The following TAMM41 variants were observed in gnomAD, a reference collection of about 807,000 sequenced individuals.
TAMM41 encodes phosphatidate cytidylyltransferase, mitochondrial.
TAMM41 carries 36 observed loss-of-function variants against 44.1 expected under a neutral mutation model. The observed-to-expected ratio is 0.82, with a 90% CI of 0.63 to 1.08. The LOEUF (loss-of-function observed/expected upper bound fraction) is 1.08, where lower values mean the gene tolerates loss of function less well. Ranked by LOEUF, TAMM41 falls within the 50% of genes least tolerant of loss-of-function variation. TAMM41 has a pLI of 0.00. For synonymous variants in TAMM41, 164 were observed against 153.1 expected, an observed-to-expected ratio of 1.07 and a Z score of -0.53; for missense variants, 417 against 404.3, an observed-to-expected ratio of 1.03 and a Z score of -0.27.
chr3:11,751,089 C>CCTT, the TAMM41 span, among the ~76,000 whole-genome samples: 3 of 130,278 alleles, frequency 2.3e-5, no homozygotes, highest in Non-Finnish European at 4.8e-5. Context: ...ACAGATGATA[C>CCTT]TTTTTTTTTT....
intron 7 of TAMM41, among the ~76,000 whole-genome samples, chr3:11,791,097 C>T (rs952402172): frequency 1.3e-5 from 2 of 152,188 alleles, no homozygotes; most frequent in South Asian, 4.1e-4. Context: ...AGGGTGGCCC[C>T]ACAGCATCTG....
At chr3:11,813,858 A>G (rs867171597) in intron 5 of TAMM41, among the ~76,000 whole-genome samples, 2,030 of 100,686 alleles carry the variant, frequency 0.02, 32 homozygotes, top group African/African-American at 0.065. Context: ...GTGTGTGTGT[A>G]TGTATGTATA....
At chr3:11,846,005 T>A (rs1259472603) in intron 1 of TAMM41, among the ~76,000 whole-genome samples, 1 of 152,252 alleles carries the variant, frequency 6.6e-6, no homozygotes, top group Non-Finnish European at 1.5e-5. Context: ...AAGATCATTT[T>A]GCATTTTCTC....
At chr3:11,797,504 ATTAAAGAC>A (rs1195007572) in intron 7 of TAMM41, among the ~76,000 whole-genome samples, 2 of 152,250 alleles carry the variant, frequency 1.3e-5, no homozygotes, top group Non-Finnish European at 2.9e-5. Flanking sequence ...GTCAAGATGG[ATTAAAGAC>A]TTAATTGCAA....
Position 11,792,129 on chromosome 3 carries a change from A to G in TAMM41, c.938-1548T>C, listed in dbSNP as rs532454173. ...AAAAAGCAGTTCCTGGATCTTAAAC[A>G]TTTAAGGTAAATACATAAAGTAGAA... On this transcript the variant is annotated intron_variant, in intron 7 of 7. Coordinates refer to ENST00000455809, the MANE Select transcript of TAMM41 (RefSeq NM_001284401.2). Among the ~76,000 whole-genome samples the G allele has an allele frequency of 1.1e-3, 174 of 152,258 alleles. 2 individuals carry two copies. Among genetic ancestry groups the G allele is most frequent in the Admixed American group, 4.2e-3 (65 of 15,302 alleles).
the TAMM41 span, among the ~76,000 whole-genome samples, chr3:11,759,988 A>AG: frequency 5.3e-5 from 8 of 151,920 alleles, no homozygotes; most frequent in East Asian, 1.5e-3. Context: ...AAAAAAGAAA[A>AG]AAGAAGAAGA....
intron 7 of TAMM41, among the ~76,000 whole-genome samples, chr3:11,791,363 C>T (rs1489205511): frequency 6.6e-6 from 1 of 152,162 alleles, no homozygotes; most frequent in Non-Finnish European, 1.5e-5. Flanking sequence ...GAGAAAGGCT[C>T]TCCGGGGGCT....
intron 7 of TAMM41, among the ~76,000 whole-genome samples, chr3:11,806,769 G>C (rs970705226): frequency 6.6e-6 from 1 of 152,076 alleles, no homozygotes; most frequent in Non-Finnish European, 1.5e-5. Context: ...AGATAAAACA[G>C]ATAAAAACAG....
At chr3:11,756,162 T>C in the TAMM41 span, among the ~76,000 whole-genome samples, 25,201 of 152,212 alleles carry the variant, frequency 0.17, 2,356 homozygotes, top group African/African-American at 0.25. Flanking sequence ...GCTCAATAAA[T>C]GTTAGCGCCC....
intron 4 of TAMM41, among the ~76,000 whole-genome samples, chr3:11,819,662 A>C (rs2078431706): frequency 6.6e-6 from 1 of 152,204 alleles, no homozygotes; most frequent in Admixed American, 6.5e-5. Flanking sequence ...TGTGAGGCCA[A>C]GGCCGGGGGA....
the TAMM41 span, among the ~76,000 whole-genome samples, chr3:11,736,030 G>C: frequency 6.6e-6 from 1 of 152,230 alleles, no homozygotes; most frequent in Non-Finnish European, 1.5e-5. Flanking sequence ...ACACCTTCAT[G>C]TAACTGGAGA....
At chr3:11,798,822 A>G (rs2077674379) in intron 7 of TAMM41, among the ~76,000 whole-genome samples, 1 of 152,186 alleles carries the variant, frequency 6.6e-6, no homozygotes, top group African/African-American at 2.4e-5. Flanking sequence ...ATGACATTGT[A>G]AAGAGGCTTG....
intron 2 of TAMM41, among the ~76,000 whole-genome samples, chr3:11,839,772 A>C (rs1475239850): frequency 6.6e-6 from 1 of 152,230 alleles, no homozygotes; most frequent in African/African-American, 2.4e-5. Flanking sequence ...ATGAAAGTCC[A>C]CAAGATTAGG....
the TAMM41 span, among the ~76,000 whole-genome samples, chr3:11,733,751 T>C: frequency 1.3e-5 from 2 of 151,932 alleles, no homozygotes; most frequent in African/African-American, 4.8e-5. Flanking sequence ...CGCCTCGGCC[T>C]CCTAAAGTGC....
intron 7 of TAMM41, among the ~76,000 whole-genome samples, chr3:11,799,252 C>CA (rs1248334683): frequency 6.7e-6 from 1 of 149,428 alleles, no homozygotes; most frequent in African/African-American, 2.4e-5. Context: ...AACCTGTCTC[C>CA]AAAAAAACAA....
chr3:11,805,010 T>TGC (rs1450053039), intron 7 of TAMM41, among the ~76,000 whole-genome samples: 1 of 138,556 alleles, frequency 7.2e-6, no homozygotes, highest in South Asian at 2.4e-4. Flanking sequence ...TTTTTTTTTT[T>TGC]TTTTTTTTTT....
At position 11,836,620 on chromosome 3, in the gene TAMM41, C is replaced by T. The variant is rs148231272; in HGVS notation, c.411+2602G>A. Among the ~76,000 whole-genome samples the T allele has an allele frequency of 7.4e-4, 112 of 152,178 alleles. 1 individual carries two copies. The East Asian group carries it at 0.019, about 26-fold the overall frequency. On this transcript the variant is annotated intron_variant, in intron 3 of 7. Coordinates refer to ENST00000455809, the MANE Select transcript of TAMM41 (RefSeq NM_001284401.2). The stretch of plus-strand genomic sequence containing the variant: ...CTGGGATTACTGGCGTGTGCCACCA[C>T]GCCTGGCTAATTTTTGTATGTTCAG...
In TAMM41 at chr3:11,840,090, A is replaced by C. The variant is rs182883308; in HGVS notation, c.319-776T>G. ...CCACACCTGTATGATTGCATCCCCA[A>C]CCAATCAGCAGCACCCATTCCCTAG... On this transcript the variant is annotated intron_variant, in intron 2 of 7. Transcript: ENST00000455809. 3.1e-3 allele frequency among the ~76,000 whole-genome samples: 477 copies of C among 152,160 alleles called. 1 individual carries two copies. The highest frequency in any genetic ancestry group is 0.011 in the African/African-American group (451 of 41,518).
At chr3:11,794,453 C>T (rs2077558634) in intron 7 of TAMM41, among the ~76,000 whole-genome samples, 1 of 152,106 alleles carries the variant, frequency 6.6e-6, no homozygotes, top group Non-Finnish European at 1.5e-5. Flanking sequence ...TAAGCTTACT[C>T]TTTCTACAGG....
Sources: gnomAD v4.1 joint callset for allele counts (sites outside exome capture counted in the v4.1 genomes callset) on GRCh38, gnomAD v4.1.1 for gene constraint, MANE v1.5 for transcripts, NCBI Gene and HGNC (gene_info 2026-07-23, HGNC 2026-07-21) for gene names.